LAMB4: variants seen among roughly 807,000 people sequenced by gnomAD.
The protein encoded by LAMB4 is laminin subunit beta 4.
A neutral mutation model predicts 199.2 loss-of-function variants in LAMB4; 196 were observed. That is an observed-to-expected ratio of 0.98 (90% CI 0.88 to 1.11). LAMB4 has a LOEUF of 1.11. LAMB4 is among the 50% of genes least tolerant of loss of function. The pLI, the probability that LAMB4 is intolerant of heterozygous loss-of-function variation, is 0.00. For missense variants in LAMB4, 2,080 were observed against 2,171.2 expected, an observed-to-expected ratio of 0.96 and a Z score of 0.83; for synonymous variants, 744 against 770.6, an observed-to-expected ratio of 0.97 and a Z score of 0.57.
Position 108,089,970 on chromosome 7 carries a change from A to C in LAMB4, c.1701+1656T>G, listed in dbSNP as rs922353119. Reference sequence around the variant, plus strand: ...GAGCTACTGTGCCTGGCCAAGAGTAAGAGTTTTGAAACCAGATGCACCTGG... The same window carrying C: ...GAGCTACTGTGCCTGGCCAAGAGTACGAGTTTTGAAACCAGATGCACCTGG... On this transcript the variant is annotated intron_variant, in intron 14 of 33. Coordinates refer to ENST00000388781, the MANE Select transcript of LAMB4 (RefSeq NM_007356.3). Among the ~76,000 whole-genome samples, 8 of 152,274 alleles carry C rather than the reference A, an allele frequency of 5.3e-5. No individual in the cohort carries two copies. The East Asian group carries it at 1.5e-3, about 29-fold the overall frequency.
At chr7:108,075,444 A>C (rs879509478) in intron 17 of LAMB4, 1 of 152,222 alleles carries the variant, frequency 6.6e-6, no homozygotes, top group African/African-American at 2.4e-5. Flanking sequence ...ATATATAAAC[A>C]AATGGGACTG....
rs2150527359 is a variant in LAMB4 at position 108,052,199 on chromosome 7, T to A, written c.3814A>T (p.Lys1272Ter). The A allele has an allele frequency of 6.2e-7, 1 of 1,611,960 alleles. No homozygotes were observed. The highest frequency in any genetic ancestry group is 8.5e-7 in the Non-Finnish European group (1 of 1,178,966). Residue 1272 changes from lysine (K) to a stop codon, truncating the protein, a stop_gained, in exon 26 of 34, where the codon AAA becomes TAA. Transcript: ENST00000388781. LOFTEE classifies it high-confidence loss of function. ...LKAVYEFQDL[K>*]DTIERAKNEA... ...TTCTTTGCTCTTTCTATTGTATCTT[T>A]CAGATCTTGAAATTCATACACTGCT...
At chr7:108,083,025 G>A (rs185307778) in intron 14 of LAMB4, among the ~76,000 whole-genome samples, 232 of 152,318 alleles carry the variant, frequency 1.5e-3, no homozygotes, top group Non-Finnish European at 2.8e-3. Flanking sequence ...TCTGGAACAT[G>A]CTATGTAGAT....
rs542240190 is a variant in LAMB4, at chr7:108,101,193, CTG to C, written c.1180+1849_1180+1850del. On this transcript the variant is annotated intron_variant, in intron 10 of 33. Transcript: ENST00000388781. ...TGGGAGAGGCAATCTTCCATGGATG[CTG>C]GTATCCTGAACGTTCTTGCTAAGTG... Among the ~76,000 whole-genome samples, 32 of 152,286 alleles carry C rather than the reference CTG, an allele frequency of 2.1e-4. No individual in the cohort carries two copies. The South Asian group carries it at 6.6e-3, about 32-fold the overall frequency.
chr7:108,102,164 T>C (rs405869), intron 10 of LAMB4, among the ~76,000 whole-genome samples: 52,344 of 152,078 alleles, frequency 0.34, 9,517 homozygotes, highest in Non-Finnish European at 0.4. Flanking sequence ...ATGTTTACTG[T>C]AGCATCCAAA....
chr7:108,013,206 C>A, the LAMB4 span, among the ~76,000 whole-genome samples: 1 of 152,170 alleles, frequency 6.6e-6, no homozygotes, highest in Non-Finnish European at 1.5e-5. Context: ...GTTTTCTTAG[C>A]CCTAAACACA....
intron 7 of LAMB4, among the ~76,000 whole-genome samples, 156 bp downstream of exon 7, chr7:108,106,353 G>A (rs1332063703): frequency 6.6e-6 from 1 of 151,996 alleles, no homozygotes; most frequent in Non-Finnish European, 1.5e-5. Context: ...AGGAGGCGGA[G>A]GTTGCAGAGA....
intron 14 of LAMB4, among the ~76,000 whole-genome samples, chr7:108,087,639 CT>C (rs773742597): frequency 6.6e-6 from 1 of 152,182 alleles, no homozygotes; most frequent in Non-Finnish European, 1.5e-5. Flanking sequence ...CCAACTGCAA[CT>C]TTCTCAAAGT....
chr7:108,033,570 G>A (rs1288278742), intron 31 of LAMB4, among the ~76,000 whole-genome samples: 4 of 151,806 alleles, frequency 2.6e-5, no homozygotes, highest in African/African-American at 4.8e-5. Flanking sequence ...CACCATGCCT[G>A]GCTAATTTTT....
In LAMB4 at chr7:108,105,797, C is replaced by T. The variant is rs2037983279; in HGVS notation, c.870+20G>A. The T allele has an allele frequency of 1.2e-6, 2 of 1,610,016 alleles. No individual in the cohort carries two copies. Among genetic ancestry groups the T allele is most frequent in the African/African-American group, 2.7e-5 (2 of 74,952 alleles). ...AAGGCAGGTAGGACAGCCCACTGTTCTTTTGGATTAATAACTCACCATTCC... is the reference window on the plus strand; with the variant it reads ...AAGGCAGGTAGGACAGCCCACTGTTTTTTTGGATTAATAACTCACCATTCC... On this transcript the variant is annotated intron_variant, in intron 8 of 33. Transcript: ENST00000388781.
At chr7:108,104,757 C>T in intron 8 of LAMB4, 138 bp from the exon 9 acceptor site, 2 of 875,800 alleles carry the variant, frequency 2.3e-6, no homozygotes, top group Non-Finnish European at 1.7e-6. Context: ...CAATACCAAC[C>T]TTGATTATCT....
intron 1 of LAMB4, among the ~76,000 whole-genome samples, chr7:108,124,785 C>A (rs7794978): frequency 0.032 from 4,798 of 152,146 alleles, 230 homozygotes; most frequent in African/African-American, 0.11. Context: ...CTTGTGAATC[C>A]GTTACCCTCC....
At chr7:108,089,155 A>T (rs1483684916) in intron 14 of LAMB4, among the ~76,000 whole-genome samples, 1 of 152,120 alleles carries the variant, frequency 6.6e-6, no homozygotes, top group Non-Finnish European at 1.5e-5. Flanking sequence ...GACCCCCTGT[A>T]TGTAAGTTCC....
chr7:108,106,420 G>GA (rs111986177), intron 7 of LAMB4, 89 bp downstream of exon 7: 37,761 of 648,228 alleles, frequency 0.058, 8 homozygotes, highest in South Asian at 0.079. Context: ...TCCGTCTCAA[G>GA]AAAAAAAAAA....
intron 6 of LAMB4, among the ~76,000 whole-genome samples, chr7:108,106,866 C>G (rs555343147): frequency 1.3e-5 from 2 of 152,178 alleles, no homozygotes; most frequent in African/African-American, 2.4e-5. Context: ...CACACCTGAC[C>G]GTGAAATGCA....
At chr7:108,023,311 A>C (rs2034730597), downstream of LAMB4, among the ~76,000 whole-genome samples, 1 of 149,506 alleles carries the variant, frequency 6.7e-6, no homozygotes, top group Admixed American at 6.6e-5. Context: ...AAAAATAGTT[A>C]GTATGAAATC....
At chr7:108,127,112 C>T (rs2038817258) in intron 1 of LAMB4, among the ~76,000 whole-genome samples, 1 of 151,890 alleles carries the variant, frequency 6.6e-6, no homozygotes, top group South Asian at 2.1e-4. Context: ...TCCTGGATTC[C>T]CTTCTAAGAG....
intron 23 of LAMB4, 88 bp downstream of exon 23, chr7:108,062,686 A>C (rs1220692495): frequency 1.3e-6 from 1 of 742,518 alleles, no homozygotes. Context: ...ACAACAGTAC[A>C]TAAAAGAAAC....
At chr7:108,080,818 TAA>T in intron 14 of LAMB4, among the ~76,000 whole-genome samples, 1 of 142,488 alleles carries the variant, frequency 7.0e-6, no homozygotes, top group Non-Finnish European at 1.5e-5. Flanking sequence ...TTCAAACATT[TAA>T]AAAAAAAAAA....
Sources: gnomAD v4.1 joint callset for allele counts (sites outside exome capture counted in the v4.1 genomes callset) on GRCh38, gnomAD v4.1.1 for gene constraint, MANE v1.5 for transcripts, NCBI Gene and HGNC (gene_info 2026-07-23, HGNC 2026-07-21) for gene names.